SNU13: variants seen among roughly 807,000 people sequenced by gnomAD.
The protein encoded by SNU13 is NHP2-like protein 1.
Under a neutral mutation model 12.4 loss-of-function variants are expected in SNU13, and 2 were observed. That is an observed-to-expected ratio of 0.16 (90% CI 0.07 to 0.51). The LOEUF (loss-of-function observed/expected upper bound fraction) is 0.51, where lower values mean the gene tolerates loss of function less well. SNU13 is among the 20% of genes least tolerant of loss of function. The probability of loss-of-function intolerance (pLI) is 0.96; values close to 1 mark genes in which losing one functional copy is unlikely to be tolerated. For synonymous variants in SNU13, 68 were observed against 66.5 expected (o/e 1.02, Z -0.11); for missense variants, 66 against 157.8 (o/e 0.42, Z 3.12).
intron 1 of SNU13, among the ~76,000 whole-genome samples, chr22:41,683,898 G>A (rs999411235): frequency 5.3e-5 from 8 of 151,792 alleles, no homozygotes; most frequent in African/African-American, 1.9e-4. Context: ...TTAGGAGCAG[G>A]GTTTTTTTTT....
intron 1 of SNU13, among the ~76,000 whole-genome samples, chr22:41,682,825 T>A (rs1176290479): frequency 6.6e-6 from 1 of 152,024 alleles, no homozygotes; most frequent in Non-Finnish European, 1.5e-5. Context: ...ATTTTTGTAT[T>A]TTTAGTAGAG....
chr22:41,683,331 C>G (rs902522363), intron 1 of SNU13, among the ~76,000 whole-genome samples: 1 of 152,016 alleles, frequency 6.6e-6, no homozygotes, highest in Admixed American at 6.6e-5. Flanking sequence ...CTGAGGGGGA[C>G]TTTCCTGGGC....
At position 41,674,877 on chromosome 22, in the gene SNU13, T is replaced by C. The variant is rs2068196878; in HGVS notation, c.*56A>G. The C allele has an allele frequency of 6.3e-7, 1 of 1,587,860 alleles. No homozygotes were observed. The highest frequency in any genetic ancestry group is 8.6e-7 in the Non-Finnish European group (1 of 1,163,714). On this transcript the variant is annotated 3_prime_UTR_variant, in exon 3 of 3. Coordinates refer to ENST00000401959, the MANE Select transcript of SNU13 (RefSeq NM_001003796.2). The stretch of plus-strand genomic sequence containing the variant: ...ATACTACATGCTAACACAGATAATA[T>C]GATACACAACCTCAGGGGGGAAGCT...
At chr22:41,688,664 GC>G in intron 1 of SNU13, 129 bp downstream of exon 1, 1 of 1,302,142 alleles carries the variant, frequency 7.7e-7, no homozygotes, top group Non-Finnish European at 1.0e-6. Context: ...CTAACTAAGG[GC>G]CCGGCGGTTA....
At chr22:41,680,421 G>C in intron 1 of SNU13, 57 bp from the exon 2 acceptor site, 1 of 1,572,428 alleles carries the variant, frequency 6.4e-7, no homozygotes, top group Admixed American at 1.7e-5. Context: ...TCCTACCTGA[G>C]TCACAAAATA....
rs140661643 is a variant in SNU13, at chr22:41,678,352, C to A, written c.124+1892G>T. 5.3e-3 allele frequency among the ~76,000 whole-genome samples: 810 copies of A among 152,222 alleles called. 4 individuals carry two copies. The highest frequency in any genetic ancestry group is 0.019 in the African/African-American group (784 of 41,534). On this transcript the variant is annotated intron_variant, in intron 2 of 2. Coordinates refer to ENST00000401959, the MANE Select transcript of SNU13 (RefSeq NM_001003796.2). ...AATGTATACTCCAAGAAGGCAGAGA[C>A]TTCATTTTGTTCACCAGTGCATCAT... is the stretch of plus-strand genomic sequence containing the variant.
chr22:41,676,037 C>T (rs2068210458), intron 2 of SNU13, among the ~76,000 whole-genome samples: 1 of 152,106 alleles, frequency 6.6e-6, no homozygotes, highest in Admixed American at 6.6e-5. Flanking sequence ...GCCCTGACCA[C>T]TTCTTTCTAC....
rs528862272 is a variant in SNU13, at chr22:41,682,232, A to G, written c.4-1868T>C. ...CTGCCTCGGTGGTCTCCTGCCCGACACCGCGCACCTGCCTTTTCCTCCTTC... is the reference window on the plus strand; with the variant it reads ...CTGCCTCGGTGGTCTCCTGCCCGACGCCGCGCACCTGCCTTTTCCTCCTTC... On this transcript the variant is annotated intron_variant, in intron 1 of 2. Coordinates refer to ENST00000401959, the MANE Select transcript of SNU13 (RefSeq NM_001003796.2). 16 of 1,031,156 alleles carry G rather than the reference A, an allele frequency of 1.6e-5. No homozygotes were observed. The South Asian group carries it at 1.6e-4, about 10-fold the overall frequency. The allele number at this position is 1,031,156 out of a possible 1,614,324, so 63.9% of individuals were successfully genotyped here. A position where few individuals can be genotyped will look rare whatever the true frequency, so the allele number is the denominator to read the frequency against.
Position 41,674,900 on chromosome 22 carries a change from G to A in SNU13, c.*33C>T, listed in dbSNP as rs913539624. ...TATGATACACAACCTCAGGGGGGAA[G>A]CTGGCAGGGAGCACGTGGCAGAGGC... On this transcript the variant is annotated 3_prime_UTR_variant, in exon 3 of 3. Transcript: ENST00000401959. 1.9e-5 allele frequency: 30 copies of A among 1,602,662 alleles called. No individual in the cohort carries two copies. The highest frequency in any genetic ancestry group is 2.5e-5 in the Non-Finnish European group (29 of 1,172,198).
chr22:41,683,823 TG>T (rs2068286523), intron 1 of SNU13, among the ~76,000 whole-genome samples: 3 of 152,186 alleles, frequency 2.0e-5, no homozygotes, highest in Non-Finnish European at 4.4e-5. Flanking sequence ...CTTCGTTGCC[TG>T]GGGTAAATAT....
At chr22:41,682,059 G>C (rs2068268363) in intron 1 of SNU13, among the ~76,000 whole-genome samples, 1 of 151,952 alleles carries the variant, frequency 6.6e-6, no homozygotes, top group African/African-American at 2.4e-5. Context: ...CCCAGGTGCG[G>C]CCCCACATGT....
chr22:41,674,891 AG>A lies in SNU13; in HGVS notation c.*41del. On this transcript the variant is annotated 3_prime_UTR_variant, in exon 3 of 3. Coordinates refer to ENST00000401959, the MANE Select transcript of SNU13 (RefSeq NM_001003796.2). ...CACAGATAATATGATACACAACCTC[AG>A]GGGGGAAGCTGGCAGGGAGCACGTG... 6.2e-7 allele frequency: 1 copy of A among 1,600,736 alleles called. No homozygotes were observed. The highest frequency in any genetic ancestry group is 8.5e-7 in the Non-Finnish European group (1 of 1,171,106).
intron 2 of SNU13, among the ~76,000 whole-genome samples, chr22:41,678,795 G>A (rs755353651): frequency 3.9e-5 from 6 of 152,168 alleles, no homozygotes; most frequent in Admixed American, 1.3e-4. Flanking sequence ...GCACTACGAC[G>A]AGACCCACAG....
rs1338614188 is a variant in SNU13, at chr22:41,674,751, AG to A, written c.*181del. ...GAAGGATGGCAGAGGGAGGGAGGAA[AG>A]GAAGGGGGATAGCAACCCTGTAAAA... On this transcript the variant is annotated 3_prime_UTR_variant, in exon 3 of 3. Coordinates refer to ENST00000401959, the MANE Select transcript of SNU13 (RefSeq NM_001003796.2). The A allele has an allele frequency of 1.4e-5, 11 of 763,582 alleles. No individual in the cohort carries two copies. The African/African-American group carries it at 1.8e-4, about 12-fold the overall frequency. 47.3% of individuals were successfully genotyped at this position (763,582 alleles called of 1,614,324 possible). A position where few individuals can be genotyped will look rare whatever the true frequency, so the allele number is the denominator to read the frequency against.
rs201752163 is a variant in SNU13, at chr22:41,688,786, G to A, written c.3+8C>T. The A allele has an allele frequency of 1.3e-4, 211 of 1,600,842 alleles. No individual in the cohort carries two copies. The African/African-American group carries it at 2.6e-3, about 20-fold the overall frequency. On this transcript the variant is annotated splice_region_variant and intron_variant, in intron 1 of 2. Coordinates refer to ENST00000401959, the MANE Select transcript of SNU13 (RefSeq NM_001003796.2). The stretch of plus-strand genomic sequence containing the variant: ...CTTCCCGGTCCCTCGGCCGGCGCAC[G>A]CACTCACCATGGCTGCGGTTCCGCG...
rs181896382 is a variant in SNU13, at chr22:41,677,154, C to T, written c.125-1959G>A. 2.6e-4 allele frequency among the ~76,000 whole-genome samples: 40 copies of T among 152,272 alleles called. No homozygotes were observed. The East Asian group carries it at 6.9e-3, about 26-fold the overall frequency. ...TCACCTGAGAAACGAACACCCACACCTCAGCTCTTTTTAACCTAATTCTAA... is the reference window on the plus strand; with the variant it reads ...TCACCTGAGAAACGAACACCCACACTTCAGCTCTTTTTAACCTAATTCTAA... On this transcript the variant is annotated intron_variant, in intron 2 of 2. Transcript: ENST00000401959.
chr22:41,676,005 C>T (rs893924495), intron 2 of SNU13, among the ~76,000 whole-genome samples: 1 of 152,116 alleles, frequency 6.6e-6, no homozygotes, highest in African/African-American at 2.4e-5. Context: ...GCTGTGATTA[C>T]AGGCATGAGC....
intron 2 of SNU13, among the ~76,000 whole-genome samples, chr22:41,675,508 G>A (rs1047600617): frequency 4.6e-5 from 7 of 151,014 alleles, no homozygotes; most frequent in Admixed American, 2.0e-4. Flanking sequence ...TTCAACCTCC[G>A]CTTCCCGGGT....
intron 1 of SNU13, among the ~76,000 whole-genome samples, chr22:41,682,095 G>T (rs1601573338): frequency 6.6e-6 from 1 of 152,030 alleles, no homozygotes; most frequent in East Asian, 1.9e-4. Context: ...CGTGCGAATC[G>T]CGAGTGATTC....
Sources: allele counts gnomAD v4.1 joint callset (sites outside exome capture counted in the v4.1 genomes callset), GRCh38; gene constraint gnomAD v4.1.1; transcripts MANE v1.5; gene names NCBI Gene and HGNC (gene_info 2026-07-23, HGNC 2026-07-21).